KIFAP3: variants seen among roughly 807,000 people sequenced by gnomAD.
KIFAP3 encodes the protein kinesin associated protein 3, also known as kinesin-associated protein 3.
KIFAP3 carries 68 observed loss-of-function variants against 106.5 expected under a neutral mutation model. That is an observed-to-expected ratio of 0.64 (90% CI 0.53 to 0.78). KIFAP3 has a LOEUF of 0.78. KIFAP3 is among the 30% of genes least tolerant of loss of function. KIFAP3 has a pLI of 0.00. For missense variants in KIFAP3, 780 were observed against 941.8 expected, an observed-to-expected ratio of 0.83 and a Z score of 2.25; for synonymous variants, 320 against 311.5, an observed-to-expected ratio of 1.03 and a Z score of -0.29.
intron 16 of KIFAP3, among the ~76,000 whole-genome samples, chr1:169,974,434 T>C (rs1235846836): frequency 6.6e-6 from 1 of 151,974 alleles, no homozygotes; most frequent in Non-Finnish European, 1.5e-5. Flanking sequence ...CTCATTAGTG[T>C]TACTTACTAT....
intron 1 of KIFAP3, among the ~76,000 whole-genome samples, chr1:170,056,391 G>A (rs147241388): frequency 1.8e-3 from 267 of 152,204 alleles, no homozygotes; most frequent in Middle Eastern, 6.8e-3. Context: ...CAATAAAGTC[G>A]CAAAATGAAT....
chr1:170,085,165 A>G (rs938061588), exon 1 of KIFAP3: 1 of 152,164 alleles, frequency 6.6e-6, no homozygotes, highest in African/African-American at 2.4e-5. Context: ...CTTAATACAA[A>G]GGAGATTTCA....
intron 16 of KIFAP3, among the ~76,000 whole-genome samples, chr1:169,976,564 TA>T (rs796825811): frequency 6.6e-5 from 10 of 152,334 alleles, no homozygotes; most frequent in African/African-American, 2.4e-4. Flanking sequence ...AGTCAGTTTA[TA>T]AACCATATTA....
At chr1:169,938,404 T>C (rs1245241125) in intron 19 of KIFAP3, among the ~76,000 whole-genome samples, 2 of 152,056 alleles carry the variant, frequency 1.3e-5, no homozygotes, top group East Asian at 1.9e-4. Flanking sequence ...AAGCAGGATA[T>C]ATAATACACA....
intron 19 of KIFAP3, among the ~76,000 whole-genome samples, chr1:169,941,840 TGA>T (rs1426385957): frequency 9.2e-5 from 14 of 152,158 alleles, no homozygotes; most frequent in African/African-American, 3.1e-4. Context: ...ATGCCTCAAT[TGA>T]GAGGTTTCAT....
chr1:170,006,762 A>G (rs1444195095), intron 10 of KIFAP3, among the ~76,000 whole-genome samples: 6 of 152,158 alleles, frequency 3.9e-5, no homozygotes, highest in Admixed American at 3.9e-4. Context: ...TGAACCTGTT[A>G]AATCTCAGAT....
At chr1:169,951,795 G>C (rs1174447724) in intron 19 of KIFAP3, among the ~76,000 whole-genome samples, 2 of 151,726 alleles carry the variant, frequency 1.3e-5, no homozygotes, top group South Asian at 4.2e-4. Context: ...TATAGCAGTT[G>C]GTTTTCTTTA....
chr1:170,084,708 T>C (rs1378957058), intron 1 of KIFAP3, among the ~76,000 whole-genome samples: 3 of 152,148 alleles, frequency 2.0e-5, no homozygotes, highest in Non-Finnish European at 4.4e-5. Context: ...TAACTGTATG[T>C]AGTTTGAGAC....
chr1:170,046,300 T>C (rs1670253278), intron 3 of KIFAP3, among the ~76,000 whole-genome samples: 2 of 151,386 alleles, frequency 1.3e-5, no homozygotes, highest in Non-Finnish European at 2.9e-5. Flanking sequence ...ATATATATTT[T>C]AACACTTACA....
intron 1 of KIFAP3, among the ~76,000 whole-genome samples, chr1:170,071,760 C>G (rs1208815872): frequency 2.0e-5 from 3 of 152,186 alleles, no homozygotes; most frequent in Non-Finnish European, 1.5e-5. Flanking sequence ...GGCTCCAGCT[C>G]CCAACACTGC....
At chr1:169,981,094 T>C (rs1666498752) in intron 15 of KIFAP3, among the ~76,000 whole-genome samples, 1 of 152,092 alleles carries the variant, frequency 6.6e-6, no homozygotes. Context: ...AGAGCAAAAC[T>C]ATGTCTCAAA....
rs146602437 is a variant in KIFAP3, at chr1:169,999,640, C to T, written c.1184-7385G>A. Among the ~76,000 whole-genome samples the T allele has an allele frequency of 1.4e-4, 21 of 152,296 alleles. 1 individual carries two copies. The East Asian group carries it at 4.0e-3, about 29-fold the overall frequency. The stretch of plus-strand genomic sequence containing the variant: ...ATAAACATGAATCATGATGAACTCA[C>T]TGGCTATTAAACGCAGAGGTCATAA... On this transcript the variant is annotated intron_variant, in intron 10 of 19. Coordinates refer to ENST00000361580, the MANE Select transcript of KIFAP3 (RefSeq NM_014970.4).
chr1:169,983,525 C>A (rs1450689229), intron 12 of KIFAP3, 143 bp from the exon 13 acceptor site: 2 of 634,060 alleles, frequency 3.2e-6, no homozygotes, highest in African/African-American at 3.8e-5. Context: ...TTAGATGCAA[C>A]CCATACCATA....
At chr1:169,977,229 T>C (rs1666267608) in intron 16 of KIFAP3, among the ~76,000 whole-genome samples, 1 of 152,164 alleles carries the variant, frequency 6.6e-6, no homozygotes, top group African/African-American at 2.4e-5. Flanking sequence ...ATATCAAAAT[T>C]TTCAGCTTAA....
intron 8 of KIFAP3, among the ~76,000 whole-genome samples, chr1:170,025,273 T>C (rs1669045856): frequency 6.6e-6 from 1 of 152,150 alleles, no homozygotes; most frequent in African/African-American, 2.4e-5. Context: ...TTGCTTTTTA[T>C]AGTGAAAATG....
chr1:170,036,809 A>C (rs900227234), intron 5 of KIFAP3, among the ~76,000 whole-genome samples: 1 of 152,200 alleles, frequency 6.6e-6, no homozygotes, highest in African/African-American at 2.4e-5. Context: ...GAAACATCTC[A>C]ATTAAAATAT....
At chr1:169,997,243 G>C (rs1355016689) in intron 10 of KIFAP3, among the ~76,000 whole-genome samples, 2 of 152,170 alleles carry the variant, frequency 1.3e-5, no homozygotes, top group African/African-American at 4.8e-5. Context: ...GTACCTACCT[G>C]AAAAGGTTGT....
intron 19 of KIFAP3, among the ~76,000 whole-genome samples, chr1:169,932,189 GT>G (rs937281421): frequency 1.3e-5 from 2 of 152,110 alleles, no homozygotes; most frequent in Non-Finnish European, 2.9e-5. Context: ...TGCTTATACT[GT>G]TTGGGGAACT....
At chr1:169,939,508 T>G (rs1396370243) in intron 19 of KIFAP3, among the ~76,000 whole-genome samples, 2 of 152,186 alleles carry the variant, frequency 1.3e-5, no homozygotes, top group Non-Finnish European at 2.9e-5. Context: ...AGGATGGTGC[T>G]GAGAGGACAA....
Sources: allele counts gnomAD v4.1 joint callset (sites outside exome capture counted in the v4.1 genomes callset), GRCh38; gene constraint gnomAD v4.1.1; transcripts MANE v1.5; gene names NCBI Gene and HGNC (gene_info 2026-07-23, HGNC 2026-07-21).